Variants in ERBB4 observed in about 807,000 individuals in gnomAD.
ERBB4 encodes receptor tyrosine-protein kinase erbB-4.
ERBB4 carries 42 observed loss-of-function variants against 158.0 expected under a neutral mutation model. The observed-to-expected ratio is 0.27, with a 90% CI of 0.21 to 0.34. ERBB4 has a LOEUF of 0.34. ERBB4 is among the 10% of genes least tolerant of loss of function. The pLI, the probability that ERBB4 is intolerant of heterozygous loss-of-function variation, is 1.00. For missense variants in ERBB4, 1,333 were observed against 1,624.1 expected (o/e 0.82, Z 3.08); for synonymous variants, 583 against 558.7 (o/e 1.04, Z -0.61).
chr2:212,389,797 G>A (rs1014697734), intron 1 of ERBB4, among the ~76,000 whole-genome samples: 1 of 151,794 alleles, frequency 6.6e-6, no homozygotes, highest in East Asian at 1.9e-4. Flanking sequence ...TATATTCAGA[G>A]CTTCATGTGA....
chr2:211,950,356 G>C (rs1376699582), intron 2 of ERBB4, among the ~76,000 whole-genome samples: 6 of 152,142 alleles, frequency 3.9e-5, no homozygotes, highest in Admixed American at 3.9e-4. Flanking sequence ...ATACAGGATA[G>C]AAGTGGGTGG....
intron 20 of ERBB4, among the ~76,000 whole-genome samples, chr2:211,459,830 T>C (rs1048884635): frequency 4.6e-5 from 7 of 152,162 alleles, no homozygotes; most frequent in Admixed American, 3.3e-4. Flanking sequence ...ATTTAGTTTA[T>C]CTCGTTGTTT....
intron 1 of ERBB4, among the ~76,000 whole-genome samples, chr2:212,149,900 T>C (rs567754691): frequency 6.6e-6 from 1 of 152,154 alleles, no homozygotes; most frequent in Admixed American, 6.6e-5. Flanking sequence ...ATGCAAGTCA[T>C]AGACTATAAA....
chr2:212,132,350 G>A (rs574240946), intron 1 of ERBB4, among the ~76,000 whole-genome samples: 1 of 152,146 alleles, frequency 6.6e-6, no homozygotes, highest in South Asian at 2.1e-4. Context: ...CACTTGATTG[G>A]GCCACAGCAT....
At chr2:212,100,948 T>C (rs930910163) in intron 2 of ERBB4, among the ~76,000 whole-genome samples, 7 of 152,276 alleles carry the variant, frequency 4.6e-5, no homozygotes, top group Non-Finnish European at 2.9e-5. Context: ...TAGATAAATG[T>C]GTATTGCTAA....
rs184814117 is a variant in ERBB4 at position 212,268,516 on chromosome 2, G to T, written c.83-143613C>A. ...GACATAATGAAAAAATTGCATTTTT[G>T]AAAGAATAAAGTAAAAACATTATCT... On this transcript the variant is annotated intron_variant, in intron 1 of 27. Transcript: ENST00000342788. Among the ~76,000 whole-genome samples the T allele has an allele frequency of 2.6e-5, 4 of 151,886 alleles. No individual in the cohort carries two copies. In the Admixed American group the frequency reaches 2.6e-4, roughly 10 times the overall value.
intron 4 of ERBB4, among the ~76,000 whole-genome samples, chr2:211,772,850 T>TATATATATATATACACACAC (rs1559504346): frequency 1.5e-5 from 1 of 67,528 alleles, no homozygotes; most frequent in African/African-American, 5.9e-5. Context: ...TATATATATA[T>TATATATATATATACACACAC]ATATATATAT....
chr2:211,860,771 A>G (rs573241896), intron 3 of ERBB4, among the ~76,000 whole-genome samples: 1 of 149,854 alleles, frequency 6.7e-6, no homozygotes, highest in South Asian at 2.1e-4. Context: ...AGGAATATTC[A>G]CTCCTACATT....
chr2:212,035,376 A>G (rs1177934379), intron 2 of ERBB4, among the ~76,000 whole-genome samples: 1 of 152,152 alleles, frequency 6.6e-6, no homozygotes, highest in Non-Finnish European at 1.5e-5. Context: ...ATGACTTTGC[A>G]TCTGCTAGTT....
intron 3 of ERBB4, among the ~76,000 whole-genome samples, chr2:211,861,350 GTTTTT>G (rs67133944): frequency 1.1e-5 from 1 of 88,952 alleles, no homozygotes; most frequent in Non-Finnish European, 2.1e-5. Flanking sequence ...TTTTTTTTTT[GTTTTT>G]TTTTTTTTTT....
intron 1 of ERBB4, among the ~76,000 whole-genome samples, chr2:212,259,681 T>C (rs114853124): frequency 2.8e-3 from 428 of 152,306 alleles, no homozygotes; most frequent in Non-Finnish European, 3.9e-3. Flanking sequence ...CTCCCTTTGT[T>C]CAATTATACA....
intron 1 of ERBB4, among the ~76,000 whole-genome samples, chr2:212,206,094 T>TGCAA (rs2082736864): frequency 1.3e-5 from 2 of 152,210 alleles, no homozygotes; most frequent in African/African-American, 4.8e-5. Flanking sequence ...AATAAAGATT[T>TGCAA]GCAAGTTCAC....
At chr2:212,499,725 G>C (rs1690778961) in intron 1 of ERBB4, among the ~76,000 whole-genome samples, 1 of 152,102 alleles carries the variant, frequency 6.6e-6, no homozygotes, top group African/African-American at 2.4e-5. Flanking sequence ...GCAGAGAGGA[G>C]AACATAGAAA....
intron 1 of ERBB4, among the ~76,000 whole-genome samples, chr2:212,393,836 G>A (rs957391107): frequency 3.9e-5 from 6 of 152,168 alleles, no homozygotes; most frequent in Admixed American, 1.3e-4. Context: ...GTGTGAACAT[G>A]TGCCTGAGTA....
intron 1 of ERBB4, among the ~76,000 whole-genome samples, chr2:212,230,657 A>T (rs1364628191): frequency 6.6e-6 from 1 of 152,210 alleles, no homozygotes; most frequent in African/African-American, 2.4e-5. Flanking sequence ...TTTTCTGAAC[A>T]TATATTTTAC....
At chr2:211,479,016 C>A (rs2065023312) in intron 20 of ERBB4, among the ~76,000 whole-genome samples, 3 of 152,072 alleles carry the variant, frequency 2.0e-5, no homozygotes, top group Admixed American at 6.6e-5. Context: ...TGTATGTATT[C>A]CATACTTTGT....
chr2:211,562,962 G>A (rs533697752), intron 19 of ERBB4, among the ~76,000 whole-genome samples: 14 of 151,882 alleles, frequency 9.2e-5, no homozygotes, highest in East Asian at 1.9e-4. Context: ...TAGTAGAGAC[G>A]GGGTTTCACC....
At chr2:212,509,084 T>C (rs892249044) in intron 1 of ERBB4, among the ~76,000 whole-genome samples, 2 of 152,236 alleles carry the variant, frequency 1.3e-5, no homozygotes, top group Non-Finnish European at 2.9e-5. Flanking sequence ...CTTTCCAGAA[T>C]ATTCCCATAA....
At chr2:211,850,926 G>C (rs11887945) in intron 3 of ERBB4, among the ~76,000 whole-genome samples, 33,205 of 151,832 alleles carry the variant, frequency 0.22, 3,757 homozygotes, top group South Asian at 0.32. Flanking sequence ...ACAATTATAT[G>C]TATCAGGTTT....
Sources: allele counts gnomAD v4.1 joint callset (sites outside exome capture counted in the v4.1 genomes callset), GRCh38; gene constraint gnomAD v4.1.1; transcripts MANE v1.5; gene names NCBI Gene and HGNC (gene_info 2026-07-23, HGNC 2026-07-21).